The following SULF2 variants were observed in gnomAD, a reference collection of about 807,000 sequenced individuals.
SULF2 encodes extracellular sulfatase Sulf-2.
SULF2 carries 52 observed loss-of-function variants against 107.7 expected under a neutral mutation model. That is an observed-to-expected ratio of 0.48 (90% CI 0.39 to 0.61). The LOEUF (loss-of-function observed/expected upper bound fraction) is 0.61. Among genes scored for constraint, SULF2 ranks in the 20% least tolerant of loss-of-function variants. The probability of loss-of-function intolerance (pLI) is 0.00; values close to 1 mark genes in which losing one functional copy is unlikely to be tolerated. For synonymous variants in SULF2, 460 were observed against 464.3 expected (o/e 0.99, Z 0.12); for missense variants, 993 against 1,177.3 (o/e 0.84, Z 2.29).
intron 6 of SULF2, among the ~76,000 whole-genome samples, chr20:47,683,664 C>T (rs1214420293): frequency 2.6e-5 from 4 of 152,234 alleles, no homozygotes; most frequent in African/African-American, 9.6e-5. Context: ...CATATTGGCT[C>T]CAGCCACACG....
Position 47,680,505 on chromosome 20 carries a change from G to T in SULF2, c.1065-1701C>A, listed in dbSNP as rs1282404096. On this transcript the variant is annotated intron_variant, in intron 7 of 20. Coordinates refer to ENST00000688720, the MANE Select transcript of SULF2 (RefSeq NM_001387048.1). This position sits in a 1 kb window ranked among gnomAD's most constrained non-coding sequence, Gnocchi z 4.2. ...TTGAATGGTGGACAGTCCCGTCAGA[G>T]CATCTGAGTGCCTTCCCCGCTAGTT... is the stretch of plus-strand genomic sequence containing the variant. Among the ~76,000 whole-genome samples the T allele has an allele frequency of 6.6e-6, 1 of 152,228 alleles. No individual in the cohort carries two copies. Among genetic ancestry groups the T allele is most frequent in the African/African-American group, 2.4e-5 (1 of 41,466 alleles).
chr20:47,705,087 C>T (rs2088687415), intron 3 of SULF2, among the ~76,000 whole-genome samples: 1 of 152,210 alleles, frequency 6.6e-6, no homozygotes, highest in Non-Finnish European at 1.5e-5. Context: ...TCTGAAACCC[C>T]CAAAATACAA....
At chr20:47,782,616 C>T (rs1490233573) in intron 1 of SULF2, among the ~76,000 whole-genome samples, 1 of 152,178 alleles carries the variant, frequency 6.6e-6, no homozygotes, top group Admixed American at 6.5e-5. Context: ...TCTAGGAGAG[C>T]TTTTGCTCTC....
At chr20:47,661,960 C>A in intron 17 of SULF2, 64 bp from the exon 18 acceptor site, 1 of 1,395,902 alleles carries the variant, frequency 7.2e-7, no homozygotes, top group Non-Finnish European at 9.5e-7. Context: ...TGCCCTTCTA[C>A]CAACCAGGGG....
At chr20:47,753,306 T>C (rs532352043) in intron 2 of SULF2, among the ~76,000 whole-genome samples, 2 of 152,230 alleles carry the variant, frequency 1.3e-5, no homozygotes, top group South Asian at 2.1e-4. Flanking sequence ...AACCCTCTGA[T>C]ACAAGAGCCA....
rs111995266 is a variant in SULF2, at chr20:47,694,750, C to T, written c.568-4455G>A. Among the ~76,000 whole-genome samples, 3,176 of 152,278 alleles carry T rather than the reference C, an allele frequency of 0.021. 38 individuals are homozygous for T. Among genetic ancestry groups the T allele is most frequent in the Non-Finnish European group, 0.031 (2,090 of 68,008 alleles). ...GCGTGTTTCCCTCGAGTGGGCACTC[C>T]GCACCGGGCTTCCCTCCAAGGCCAA... On this transcript the variant is annotated intron_variant, in intron 4 of 20. Transcript: ENST00000688720. The surrounding 1 kb of genome is among the most constrained non-coding windows in gnomAD (Gnocchi z 4.4).
chr20:47,745,450 T>TAC lies in SULF2; in HGVS notation c.176-8509_176-8508insGT, dbSNP rs1568892952. 8.1e-4 allele frequency among the ~76,000 whole-genome samples: 13 copies of TAC among 16,110 alleles called. 1 individual carries two copies. Among genetic ancestry groups the TAC allele is most frequent in the African/African-American group, 4.5e-3 (12 of 2,692 alleles). The allele number at this position is 16,110 out of a possible 152,430, so 10.6% of individuals were successfully genotyped here. ...ATATATATATATATATATATATATA[T>TAC]ATATATACACATACACACACACTTT... On this transcript the variant is annotated intron_variant, in intron 2 of 20. Coordinates refer to ENST00000688720, the MANE Select transcript of SULF2 (RefSeq NM_001387048.1).
chr20:47,664,043 C>T (rs2087180944), intron 15 of SULF2, 87 bp downstream of exon 15: 2 of 1,436,472 alleles, frequency 1.4e-6, no homozygotes, highest in Non-Finnish European at 1.9e-6. Context: ...GACTTCTTTC[C>T]TTTTCTTCTG....
chr20:47,674,577 A>G (rs2087579341), intron 10 of SULF2, among the ~76,000 whole-genome samples: 1 of 152,244 alleles, frequency 6.6e-6, no homozygotes, highest in South Asian at 2.1e-4. Flanking sequence ...CAATGATGAC[A>G]TGAATTCTAG....
chr20:47,698,568 A>T (rs1424750736), intron 4 of SULF2, among the ~76,000 whole-genome samples: 1 of 152,198 alleles, frequency 6.6e-6, no homozygotes, highest in Non-Finnish European at 1.5e-5. Flanking sequence ...GACAGTAGAG[A>T]GAAATCAACT....
At chr20:47,727,691 G>GTA (rs939880934) in intron 3 of SULF2, among the ~76,000 whole-genome samples, 5 of 152,108 alleles carry the variant, frequency 3.3e-5, no homozygotes, top group African/African-American at 1.2e-4. Context: ...CACAGGTCAC[G>GTA]TATCACTCAG....
intron 1 of SULF2, among the ~76,000 whole-genome samples, chr20:47,758,449 G>A (rs2090345966): frequency 6.6e-6 from 1 of 152,116 alleles, no homozygotes; most frequent in Non-Finnish European, 1.5e-5. Context: ...GGGGTTATAG[G>A]TGTGAGCCAC....
At chr20:47,755,757 C>A (rs904613407) in intron 2 of SULF2, among the ~76,000 whole-genome samples, 1 of 152,122 alleles carries the variant, frequency 6.6e-6, no homozygotes, top group African/African-American at 2.4e-5. Flanking sequence ...CGGCCTTCCT[C>A]TTCTTAAGGC....
chr20:47,747,018 T>TATATATATATATAC (rs1232551264), intron 2 of SULF2, among the ~76,000 whole-genome samples: 1 of 75,116 alleles, frequency 1.3e-5, no homozygotes, highest in African/African-American at 4.1e-5. Context: ...TATATATATA[T>TATATATATATATAC]ACACACACAC....
intron 3 of SULF2, among the ~76,000 whole-genome samples, chr20:47,735,638 C>T (rs527949052): frequency 5.3e-5 from 8 of 152,294 alleles, no homozygotes; most frequent in Middle Eastern, 3.4e-3. Flanking sequence ...CATAATGGCA[C>T]GCACAATACA....
At position 47,661,228 on chromosome 20, in the gene SULF2, T is replaced by C. The variant is rs550805544; in HGVS notation, c.2494+545A>G. ...TCTGCTCCTCACACTTTAAGCTTCC[T>C]GGAGCGCCAGCCCTCCACGTTTTCT... is the stretch of plus-strand genomic sequence containing the variant. On this transcript the variant is annotated intron_variant, in intron 18 of 20. Coordinates refer to ENST00000688720, the MANE Select transcript of SULF2 (RefSeq NM_001387048.1). Among the ~76,000 whole-genome samples the C allele has an allele frequency of 1.4e-4, 22 of 152,156 alleles. 1 individual carries two copies. In the South Asian group the frequency reaches 2.9e-3, roughly 20 times the overall value.
At position 47,677,089 on chromosome 20, in the gene SULF2, CAAG is replaced by C. The variant is rs779137180; in HGVS notation, c.1236_1238del (p.Phe412del). 4 of 1,613,286 alleles carry C rather than the reference CAAG, an allele frequency of 2.5e-6. No homozygotes were observed. The highest frequency in any genetic ancestry group is 4.5e-5 in the East Asian group (2 of 44,754). On this transcript the variant is annotated inframe_deletion, in exon 9 of 21. Transcript: ENST00000688720. ...GACCCGGCACTCACCCTCTCTCCAC[CAAG>C]AAGGAGTCCCGCCAGACCCTCATCT...
chr20:47,745,457 A>G (rs1312981772), intron 2 of SULF2, among the ~76,000 whole-genome samples: 6 of 4,710 alleles, frequency 1.3e-3, no homozygotes, highest in Non-Finnish European at 2.2e-3. Context: ...ATATATATAT[A>G]CACATACACA....
intron 10 of SULF2, among the ~76,000 whole-genome samples, chr20:47,675,240 C>T (rs1478368734): frequency 1.3e-5 from 2 of 152,136 alleles, no homozygotes; most frequent in African/African-American, 2.4e-5. Context: ...TCTGGGATCT[C>T]GGTACAAAGT....
Sources: gnomAD v4.1 joint callset for allele counts (sites outside exome capture counted in the v4.1 genomes callset) on GRCh38, gnomAD v4.1.1 for gene constraint, Gnocchi (gnomAD v3.1) non-coding constraint, MANE v1.5 for transcripts, NCBI Gene and HGNC (gene_info 2026-07-23, HGNC 2026-07-21) for gene names.